Variants in EVA1C observed in about 807,000 individuals in gnomAD.
EVA1C encodes protein eva-1 homolog C.
A neutral mutation model predicts 45.4 loss-of-function variants in EVA1C; 25 were observed. The ratio of observed to expected loss-of-function variants is 0.55; its 90% confidence interval spans 0.40 to 0.77. The LOEUF (loss-of-function observed/expected upper bound fraction) is 0.77, where lower values mean the gene tolerates loss of function less well. EVA1C is among the 30% of genes least tolerant of loss of function. The probability of loss-of-function intolerance (pLI) is 0.00; values close to 1 mark genes in which losing one functional copy is unlikely to be tolerated. For synonymous variants in EVA1C, 190 were observed against 221.2 expected (o/e 0.86, Z 1.25); for missense variants, 479 against 554.8 (o/e 0.86, Z 1.37).
At chr21:32,434,101 C>T (rs1471009830) in intron 1 of EVA1C, among the ~76,000 whole-genome samples, 2 of 151,442 alleles carry the variant, frequency 1.3e-5, no homozygotes, top group African/African-American at 4.9e-5. Flanking sequence ...TCAAGACCAG[C>T]CTGGCCAACA....
intron 1 of EVA1C, among the ~76,000 whole-genome samples, chr21:32,443,353 G>A (rs964933838): frequency 2.6e-5 from 4 of 152,100 alleles, no homozygotes; most frequent in Non-Finnish European, 5.9e-5. Context: ...GACCAACATG[G>A]TGAAACCCTG....
intron 2 of EVA1C, among the ~76,000 whole-genome samples, chr21:32,455,303 G>GA (rs944130230): frequency 5.3e-5 from 8 of 151,050 alleles, no homozygotes; most frequent in Admixed American, 4.0e-4. Flanking sequence ...ACCTACTCCT[G>GA]AAAAAAAACA....
At chr21:32,504,965 T>G (rs1462229323) in intron 7 of EVA1C, among the ~76,000 whole-genome samples, 1 of 152,062 alleles carries the variant, frequency 6.6e-6, no homozygotes, top group African/African-American at 2.4e-5. Flanking sequence ...CACGTCTTAC[T>G]TGGTAGCAGG....
chr21:32,418,746 A>G (rs964355220), intron 1 of EVA1C, among the ~76,000 whole-genome samples: 1 of 124,384 alleles, frequency 8.0e-6, no homozygotes, highest in African/African-American at 4.0e-5. Flanking sequence ...GGTAGGGAGG[A>G]GCAAGGCCAG....
At chr21:32,467,924 T>G in intron 4 of EVA1C, 76 bp downstream of exon 4, 1 of 811,754 alleles carries the variant, frequency 1.2e-6, no homozygotes, top group Non-Finnish European at 1.6e-6. Context: ...ATATATATCC[T>G]ATATATATCC....
chr21:32,460,475 G>A (rs1235262298), intron 3 of EVA1C, among the ~76,000 whole-genome samples: 1 of 152,154 alleles, frequency 6.6e-6, no homozygotes, highest in Non-Finnish European at 1.5e-5. Context: ...ATCAGACTGT[G>A]AGCATGATGA....
At position 32,495,164 on chromosome 21, in the gene EVA1C, G is replaced by A. The variant is rs565328798; in HGVS notation, c.772G>A (p.Ala258Thr). 5.0e-6 allele frequency: 8 copies of A among 1,613,816 alleles called. No homozygotes were observed. The highest frequency in any genetic ancestry group is 2.7e-5 in the African/African-American group (2 of 74,868). The change falls in exon 5 of 8, where the codon GCA (alanine) becomes ACA (threonine). Residue 258 changes from alanine (A) to threonine (T), a missense_variant. Transcript: ENST00000300255. The part of the protein sequence containing the change: ...GVKKYLTVTY[A>T]CVPKNILTAI... ...GAAAAAATACCTCACTGTGACCTAC[G>A]CATGTGGTAAGAACACACCCCCGAC...
At chr21:32,443,588 A>G (rs1398997001) in intron 1 of EVA1C, among the ~76,000 whole-genome samples, 1 of 152,104 alleles carries the variant, frequency 6.6e-6, no homozygotes, top group African/African-American at 2.4e-5. Flanking sequence ...AATACCTTAG[A>G]GATGTGCAGT....
At chr21:32,505,592 T>C (rs904477761) in intron 7 of EVA1C, among the ~76,000 whole-genome samples, 7 of 152,154 alleles carry the variant, frequency 4.6e-5, no homozygotes, top group African/African-American at 1.7e-4. Flanking sequence ...CATAACAAAG[T>C]ACCCGAGACC....
In EVA1C at chr21:32,466,202, C is replaced by T. The variant is rs137926558; in HGVS notation, c.482-1494C>T. Among the ~76,000 whole-genome samples the T allele has an allele frequency of 5.7e-3, 863 of 152,230 alleles. 39 individuals are homozygous for T. In the South Asian group the frequency reaches 0.085, roughly 15 times the overall value. ...TTGGGAGGCTGAAGCGGGTGGATCA[C>T]GAGGTCAGGAGATCAAGACCATCCT... On this transcript the variant is annotated intron_variant, in intron 3 of 7. Transcript: ENST00000300255.
chr21:32,449,946 A>G (rs1274306937), intron 1 of EVA1C, among the ~76,000 whole-genome samples: 1 of 152,090 alleles, frequency 6.6e-6, no homozygotes, highest in Non-Finnish European at 1.5e-5. Context: ...TGAAGAAGGA[A>G]TTGAACTGAG....
intron 4 of EVA1C, among the ~76,000 whole-genome samples, chr21:32,471,428 C>T (rs1334767015): frequency 1.3e-5 from 2 of 149,362 alleles, no homozygotes; most frequent in Non-Finnish European, 3.0e-5. Flanking sequence ...TGGGTTCAAG[C>T]AATTCTCCTG....
At chr21:32,508,005 G>C (rs2037828197) in intron 7 of EVA1C, among the ~76,000 whole-genome samples, 1 of 151,994 alleles carries the variant, frequency 6.6e-6, no homozygotes, top group Non-Finnish European at 1.5e-5. Flanking sequence ...GTGCGTGTGT[G>C]TACGCATGCA....
chr21:32,490,767 C>T (rs1844408172), intron 4 of EVA1C, among the ~76,000 whole-genome samples: 1 of 152,140 alleles, frequency 6.6e-6, no homozygotes, highest in South Asian at 2.1e-4. Context: ...ACTCATGTAC[C>T]TCACTGCTAG....
intron 5 of EVA1C, among the ~76,000 whole-genome samples, chr21:32,498,184 C>T (rs950722154): frequency 2.6e-5 from 4 of 152,162 alleles, no homozygotes; most frequent in African/African-American, 4.8e-5. Context: ...CGGTGGCTCA[C>T]GCCTGTAATC....
At chr21:32,422,965 C>T (rs1051995816) in intron 1 of EVA1C, among the ~76,000 whole-genome samples, 22 of 148,394 alleles carry the variant, frequency 1.5e-4, no homozygotes, top group South Asian at 4.3e-4. Context: ...CAGCTACTCA[C>T]GAGGCTGAGG....
At chr21:32,421,935 GT>G (rs2034288342) in intron 1 of EVA1C, among the ~76,000 whole-genome samples, 1 of 151,436 alleles carries the variant, frequency 6.6e-6, no homozygotes, top group African/African-American at 2.4e-5. Flanking sequence ...ATCCCAGCTA[GT>G]TGGAAGGCTG....
intron 1 of EVA1C, among the ~76,000 whole-genome samples, chr21:32,427,437 G>A (rs1044241899): frequency 9.3e-5 from 14 of 150,830 alleles, no homozygotes; most frequent in African/African-American, 2.4e-4. Flanking sequence ...GGCAGAGGCC[G>A]GGCGTGGTGG....
chr21:32,415,158 G>A (rs1014832641), intron 1 of EVA1C, among the ~76,000 whole-genome samples: 2 of 152,116 alleles, frequency 1.3e-5, no homozygotes, highest in African/African-American at 2.4e-5. Context: ...TGGGACAGTC[G>A]GTCCTGTTCC....
Sources: allele counts gnomAD v4.1 joint callset (sites outside exome capture counted in the v4.1 genomes callset), GRCh38; gene constraint gnomAD v4.1.1; transcripts MANE v1.5; gene names NCBI Gene and HGNC (gene_info 2026-07-23, HGNC 2026-07-21).